ADAMTS2: variants seen among roughly 807,000 people sequenced by gnomAD.
ADAMTS2 encodes ADAM metallopeptidase with thrombospondin type 1 motif 2.
Under a neutral mutation model 123.0 loss-of-function variants are expected in ADAMTS2, and 50 were observed. That is an observed-to-expected ratio of 0.41 (90% CI 0.32 to 0.51). ADAMTS2 has a LOEUF of 0.51. ADAMTS2 is among the 20% of genes least tolerant of loss of function. ADAMTS2 has a pLI of 0.35. For missense variants in ADAMTS2, 1,494 were observed against 1,705.2 expected, an observed-to-expected ratio of 0.88 and a Z score of 2.18; for synonymous variants, 678 against 695.4, an observed-to-expected ratio of 0.98 and a Z score of 0.39.
intron 4 of ADAMTS2, among the ~76,000 whole-genome samples, chr5:179,205,589 T>A (rs1018968822): frequency 1.1e-4 from 16 of 152,148 alleles, no homozygotes; most frequent in Non-Finnish European, 2.1e-4. Context: ...GGCGACATAA[T>A]GCTAGGGGAA....
chr5:179,122,561 G>T, intron 20 of ADAMTS2, 83 bp downstream of exon 20: 2 of 1,521,816 alleles, frequency 1.3e-6, no homozygotes, highest in Non-Finnish European at 1.8e-6. Flanking sequence ...GGAAGAGCCA[G>T]ATTTGCCTGA....
intron 2 of ADAMTS2, among the ~76,000 whole-genome samples, chr5:179,335,019 A>G (rs540981737): frequency 5.9e-5 from 9 of 152,366 alleles, no homozygotes; most frequent in Admixed American, 5.9e-4. Context: ...TTAATTTACT[A>G]TCAATCAAAT....
chr5:179,299,538 C>CACACACACACACACACACACACAT (rs1756450850), intron 2 of ADAMTS2, among the ~76,000 whole-genome samples: 3 of 148,396 alleles, frequency 2.0e-5, no homozygotes, highest in African/African-American at 7.5e-5. Flanking sequence ...CAAACACACA[C>CACACACACACACACACACACACAT]ACACACACAC....
In ADAMTS2 at chr5:179,181,236, T is replaced by C. The variant is rs1221825712; in HGVS notation, c.892-81A>G. 1.0e-6 allele frequency: 1 copy of C among 993,672 alleles called. No homozygotes were observed. The allele number at this position is 993,672 out of a possible 1,614,324, so 61.6% of individuals were successfully genotyped here. Reference sequence around the variant, plus strand: ...CTCTGCCAATGGGATGACCCCCACCTGCTCCTTCTTCTTCCCATGCTTTCC... The same window carrying C: ...CTCTGCCAATGGGATGACCCCCACCCGCTCCTTCTTCTTCCCATGCTTTCC... On this transcript the variant is annotated intron_variant, in intron 4 of 21. Coordinates refer to ENST00000251582, the MANE Select transcript of ADAMTS2 (RefSeq NM_014244.5). This position sits in a 1 kb window ranked among gnomAD's most constrained non-coding sequence, Gnocchi z 4.1.
In ADAMTS2 at chr5:179,341,249, C is replaced by T. The variant is rs892659542; in HGVS notation, c.534+2518G>A. 146 of 270,190 alleles carry T rather than the reference C, an allele frequency of 5.4e-4. 1 individual carries two copies. In the Admixed American group the frequency reaches 7.1e-3, roughly 13 times the overall value. The allele number at this position is 270,190 out of a possible 1,614,324, so 16.7% of individuals were successfully genotyped here. On this transcript the variant is annotated intron_variant, in intron 2 of 21. Coordinates refer to ENST00000251582, the MANE Select transcript of ADAMTS2 (RefSeq NM_014244.5). ...AGAAAAGGAAAGAAGAGGCCGGGCG[C>T]GGTGGCTGAGGCCTGTAATCCCAGC...
chr5:179,121,697 G>A lies in ADAMTS2; in HGVS notation c.3142C>T (p.Pro1048Ser), dbSNP rs1762766882. The change falls in exon 21 of 22, where the codon CCG becomes TCG. Residue 1048 changes from proline to serine, a missense_variant. By Grantham distance (74) the Pro-to-Ser change is moderately conservative. This residue lies in a region of ADAMTS2 where 953 missense variants were observed against 1,124.7 expected (regional missense o/e 0.85). Coordinates refer to ENST00000251582, the MANE Select transcript of ADAMTS2 (RefSeq NM_014244.5). ...KSYVVQWLSR[P>S]DPDSPIRKIS... ...TTCCGGATGGGCGAGTCGGGGTCCG[G>A]GCGGGACAGCCACTGAACTACGTAG... 6.3e-7 allele frequency: 1 copy of A among 1,597,356 alleles called. No individual in the cohort carries two copies. Among genetic ancestry groups the A allele is most frequent in the African/African-American group, 1.3e-5 (1 of 74,270 alleles).
At chr5:179,251,947 C>T (rs937038910) in intron 3 of ADAMTS2, among the ~76,000 whole-genome samples, 1 of 151,930 alleles carries the variant, frequency 6.6e-6, no homozygotes, top group African/African-American at 2.4e-5. Flanking sequence ...ATCTTCCTAA[C>T]AGCAACAATG....
At chr5:179,211,152 C>T (rs1764841916) in intron 3 of ADAMTS2, among the ~76,000 whole-genome samples, 1 of 152,244 alleles carries the variant, frequency 6.6e-6, no homozygotes, top group Non-Finnish European at 1.5e-5. Flanking sequence ...CTATTTGCTG[C>T]TCTCCCCTCC....
chr5:179,168,575 T>C (rs1300375799), intron 5 of ADAMTS2, among the ~76,000 whole-genome samples: 3 of 152,140 alleles, frequency 2.0e-5, no homozygotes, highest in Non-Finnish European at 4.4e-5. Flanking sequence ...CTACAAACAG[T>C]CACTTGCACG....
intron 4 of ADAMTS2, among the ~76,000 whole-genome samples, chr5:179,195,636 T>A (rs1764412165): frequency 6.6e-6 from 1 of 152,126 alleles, no homozygotes. Flanking sequence ...TCCCCACCAC[T>A]CCCAACAGCC....
At chr5:179,257,575 C>T (rs1284348946) in intron 3 of ADAMTS2, among the ~76,000 whole-genome samples, 1 of 152,240 alleles carries the variant, frequency 6.6e-6, no homozygotes, top group South Asian at 2.1e-4. Context: ...TGCTGGCTCC[C>T]GCTGATGCGC....
chr5:179,320,819 A>G (rs1489731734), intron 2 of ADAMTS2, among the ~76,000 whole-genome samples: 1 of 152,206 alleles, frequency 6.6e-6, no homozygotes, highest in Non-Finnish European at 1.5e-5. Context: ...TATTGCTGGA[A>G]TTGTTGGAAA....
rs1158008718 is a variant in ADAMTS2 at position 179,154,120 on chromosome 5, G to T, written c.1311C>A (p.Pro437=). 2 of 1,596,452 alleles carry T rather than the reference G, an allele frequency of 1.3e-6. No homozygotes were observed. The highest frequency in any genetic ancestry group is 1.7e-6 in the Non-Finnish European group (2 of 1,176,304). ...AGCGGTGGAAGGCGGCCTGCACCAG[G>T]GGCGCCATGATGCTGCCCAGCCGCA... The part of the protein sequence containing the change: ...DEVRLGSIMA[P]LVQAAFHRFH... The change falls in exon 8 of 22, where the codon CCC becomes CCA. Residue 437 remains proline (P), a synonymous_variant. Coordinates refer to ENST00000251582, the MANE Select transcript of ADAMTS2 (RefSeq NM_014244.5).
In ADAMTS2 at chr5:179,141,580, A is replaced by G. The variant is rs113604311; in HGVS notation, c.1630-1545T>C. Among the ~76,000 whole-genome samples, 1,293 of 152,208 alleles carry G rather than the reference A, an allele frequency of 8.5e-3. 29 individuals carry two copies. The highest frequency in any genetic ancestry group is 0.029 in the African/African-American group (1,214 of 41,530). On this transcript the variant is annotated intron_variant, in intron 10 of 21. Transcript: ENST00000251582. ...AAGAAGCTTTTTTTTTTTCTCAAGA[A>G]AATCTATTAAATCTTGGTAAGAAAA...
intron 2 of ADAMTS2, among the ~76,000 whole-genome samples, chr5:179,319,955 G>A (rs1219071472): frequency 6.6e-6 from 1 of 152,206 alleles, no homozygotes; most frequent in East Asian, 1.9e-4. Context: ...TGCCCTGCCT[G>A]ATCTCAAGGC....
rs777522306 is a variant in ADAMTS2, at chr5:179,114,089, G to T, written c.3414C>A (p.Thr1138=). 2.5e-6 allele frequency: 4 copies of T among 1,613,982 alleles called. No individual in the cohort carries two copies. In the South Asian group the frequency reaches 3.3e-5, roughly 13 times the overall value. The part of the protein sequence containing the change: ...VAMEVRPSPS[T]PLEVPLNASS... Reference sequence around the variant, plus strand: ...AGGCATTGAGAGGGACCTCCAGGGGGGTGCTTGGTGATGGCCGCACCTCCA... The same window carrying T: ...AGGCATTGAGAGGGACCTCCAGGGGTGTGCTTGGTGATGGCCGCACCTCCA... Residue 1138 remains threonine (T), a synonymous_variant, in exon 22 of 22, where the codon ACC becomes ACA. Coordinates refer to ENST00000251582, the MANE Select transcript of ADAMTS2 (RefSeq NM_014244.5).
At chr5:179,330,831 G>A (rs1757460296) in intron 2 of ADAMTS2, among the ~76,000 whole-genome samples, 1 of 152,254 alleles carries the variant, frequency 6.6e-6, no homozygotes. Flanking sequence ...CTGAGGTGGA[G>A]GATGCTCTGG....
intron 2 of ADAMTS2, among the ~76,000 whole-genome samples, chr5:179,310,417 G>T (rs1351787488): frequency 6.6e-6 from 1 of 152,222 alleles, no homozygotes; most frequent in Non-Finnish European, 1.5e-5. Flanking sequence ...AGGCTGCCTT[G>T]CAGGGTACAG....
intron 9 of ADAMTS2, 64 bp from the exon 10 acceptor site, chr5:179,152,319 C>A (rs1375886926): frequency 9.3e-6 from 14 of 1,502,136 alleles, no homozygotes; most frequent in Non-Finnish European, 9.2e-7. Context: ...GGGATGCCAC[C>A]CACCCCCGGG....
Sources: gnomAD v4.1 joint callset for allele counts (sites outside exome capture counted in the v4.1 genomes callset) on GRCh38, gnomAD v4.1.1 for gene constraint, gnomAD v4.1.1 regional missense constraint, Gnocchi (gnomAD v3.1) non-coding constraint, MANE v1.5 for transcripts, NCBI Gene and HGNC (gene_info 2026-07-23, HGNC 2026-07-21) for gene names.